Variants in HAPLN2 observed in about 807,000 individuals in gnomAD.
The protein encoded by HAPLN2 is hyaluronan and proteoglycan link protein 2.
Under a neutral mutation model 29.3 loss-of-function variants are expected in HAPLN2, and 27 were observed. That is an observed-to-expected ratio of 0.92 (90% CI 0.68 to 1.27). The LOEUF (loss-of-function observed/expected upper bound fraction) is 1.27, where lower values mean the gene tolerates loss of function less well. Ranked by LOEUF, HAPLN2 falls within the 50% of genes most tolerant of loss-of-function variation. The pLI is 0.00. For synonymous variants in HAPLN2, 208 were observed against 211.7 expected (o/e 0.98, Z 0.15); for missense variants, 454 against 484.3 (o/e 0.94, Z 0.59).
At chr1:156,621,891 G>C (rs1168639063) in intron 2 of HAPLN2, among the ~76,000 whole-genome samples, 1 of 151,632 alleles carries the variant, frequency 6.6e-6, no homozygotes, top group East Asian at 1.9e-4. Context: ...GGGAGGTGGA[G>C]CTTGCAGTGA....
chr1:156,609,106 G>T, the HAPLN2 span, among the ~76,000 whole-genome samples: 1 of 152,136 alleles, frequency 6.6e-6, no homozygotes, highest in East Asian at 1.9e-4. Flanking sequence ...GAGTCTGAAG[G>T]ATGCCCCCAG....
At position 156,625,339 on chromosome 1, in the gene HAPLN2, G is replaced by A. The variant is rs567935429; in HGVS notation, c.978G>A (p.Arg326=). The A allele has an allele frequency of 6.2e-6, 10 of 1,600,102 alleles. No homozygotes were observed. The highest frequency in any genetic ancestry group is 2.3e-5 in the East Asian group (1 of 43,996). The change falls in exon 7 of 7, where the codon AGG becomes AGA. Residue 326 remains arginine (R), a synonymous_variant. Transcript: ENST00000255039. The surrounding 1 kb of genome is among the most constrained non-coding windows in gnomAD (Gnocchi z 5.7). ...GAGTGCGCAGTTTCGGCTTCCCCAGGCCCCAACAGGCAGCCTATGGGACCT... is the reference window on the plus strand; with the variant it reads ...GAGTGCGCAGTTTCGGCTTCCCCAGACCCCAACAGGCAGCCTATGGGACCT... ...DPGVRSFGFP[R]PQQAAYGTYC...
the HAPLN2 span, among the ~76,000 whole-genome samples, chr1:156,606,179 G>A: frequency 6.6e-6 from 1 of 151,884 alleles, no homozygotes; most frequent in Non-Finnish European, 1.5e-5. Flanking sequence ...CCAGAGAATC[G>A]CTTGAACCCG....
At position 156,625,205 on chromosome 1, in the gene HAPLN2, T is replaced by C; in HGVS notation, c.844T>C (p.Trp282Arg). The C allele has an allele frequency of 6.4e-7, 1 of 1,559,028 alleles. No individual in the cohort carries two copies. Among genetic ancestry groups the C allele is most frequent in the Non-Finnish European group, 8.7e-7 (1 of 1,152,862 alleles). Residue 282 changes from tryptophan (W) to arginine (R), a missense_variant, in exon 7 of 7, where the codon TGG becomes CGG. Trp to Arg is a moderately radical substitution (Grantham distance 101, BLOSUM62 -3). Transcript: ENST00000255039. This position sits in a 1 kb window ranked among gnomAD's most constrained non-coding sequence, Gnocchi z 5.7. ...CAAGGTTGGGCACCTCTACGCCGCCTGGAAGTTTTCGGGGCTAGACCAGTG... is the reference window on the plus strand; with the variant it reads ...CAAGGTTGGGCACCTCTACGCCGCCCGGAAGTTTTCGGGGCTAGACCAGTG... ...VAKVGHLYAA[W>R]KFSGLDQCDG...
chr1:156,622,086 A>G (rs148252571), intron 2 of HAPLN2, among the ~76,000 whole-genome samples: 6 of 152,310 alleles, frequency 3.9e-5, no homozygotes, highest in Non-Finnish European at 7.3e-5. Context: ...TTCTGTATCT[A>G]TATGTGGATA....
At chr1:156,606,642 C>T in the HAPLN2 span, among the ~76,000 whole-genome samples, 1 of 151,864 alleles carries the variant, frequency 6.6e-6, no homozygotes, top group Non-Finnish European at 1.5e-5. Context: ...CACACCATAC[C>T]TGGCTAATTT....
rs1400904949 is a variant in HAPLN2, at chr1:156,623,455, T to C, written c.-24-12T>C. ...CCAGTCCTAAGAACTGCCCACTCTTTGTGCCCTGCAGACGGTGCCGGGCTG... is the reference window on the plus strand; with the variant it reads ...CCAGTCCTAAGAACTGCCCACTCTTCGTGCCCTGCAGACGGTGCCGGGCTG... On this transcript the variant is annotated splice_polypyrimidine_tract_variant and intron_variant, in intron 2 of 6. Transcript: ENST00000255039. The C allele has an allele frequency of 3.1e-6, 5 of 1,611,202 alleles. No individual in the cohort carries two copies. Among genetic ancestry groups the C allele is most frequent in the Non-Finnish European group, 4.2e-6 (5 of 1,178,662 alleles).
At chr1:156,601,761 A>C in the HAPLN2 span, among the ~76,000 whole-genome samples, 1 of 152,182 alleles carries the variant, frequency 6.6e-6, no homozygotes, top group African/African-American at 2.4e-5. Context: ...CGCAAATACG[A>C]GGAAGGAAAA....
upstream of HAPLN2, among the ~76,000 whole-genome samples, chr1:156,615,572 CTTTT>C (rs770223466): frequency 2.4e-5 from 2 of 81,724 alleles, no homozygotes; most frequent in African/African-American, 8.3e-5. Flanking sequence ...CTCTCTCTCT[CTTTT>C]TTTTTTTTTT....
rs1326408216 is a variant in HAPLN2 at position 156,624,052 on chromosome 1, G to A, written c.331G>A (p.Ala111Thr). The part of the protein sequence containing the change: ...ARMRRGHRLD[A>T]SLVIAGVRLE... ...GATGCGGAGGGGGCATCGACTAGAC[G>A]CCTCCCTGGTCATCGCGGGCGTGCG... The change falls in exon 4 of 7, where the codon GCC becomes ACC. Residue 111 changes from alanine to threonine, a missense_variant. By Grantham distance (58) the Ala-to-Thr change is moderately conservative. This residue lies in a region of HAPLN2 where 204 missense variants were observed against 209.2 expected (regional missense o/e 0.98). Transcript: ENST00000255039. 1 of 1,613,350 alleles carries A rather than the reference G, an allele frequency of 6.2e-7. No homozygotes were observed.
chr1:156,617,922 C>T (rs967413382), upstream of HAPLN2, among the ~76,000 whole-genome samples: 4 of 151,924 alleles, frequency 2.6e-5, no homozygotes, highest in Admixed American at 6.6e-5. Flanking sequence ...TATGTACACA[C>T]GTAAAAATTC....
At chr1:156,614,267 C>G in the HAPLN2 span, among the ~76,000 whole-genome samples, 2 of 151,464 alleles carry the variant, frequency 1.3e-5, no homozygotes, top group Non-Finnish European at 2.9e-5. Flanking sequence ...ACTCTGTCAC[C>G]AGGCTGGAGT....
chr1:156,625,485 C>G lies in HAPLN2; in HGVS notation c.*101C>G. ...GGAGAGCCTCCCCTCCCTCCAGACC[C>G]GGAGCGGCCTCTCCAGACCTGCCTT... On this transcript the variant is annotated 3_prime_UTR_variant, in exon 7 of 7. Coordinates refer to ENST00000255039, the MANE Select transcript of HAPLN2 (RefSeq NM_021817.3). The surrounding 1 kb of genome is among the most constrained non-coding windows in gnomAD (Gnocchi z 5.7). 8.0e-7 allele frequency: 1 copy of G among 1,257,044 alleles called. No individual in the cohort carries two copies. 77.9% of individuals were successfully genotyped at this position (1,257,044 alleles called of 1,614,324 possible).
chr1:156,622,945 G>A (rs1433522773), intron 2 of HAPLN2, among the ~76,000 whole-genome samples: 1 of 151,424 alleles, frequency 6.6e-6, no homozygotes, highest in African/African-American at 2.4e-5. Context: ...GAAATGGGAG[G>A]ATCACCTGGA....
the HAPLN2 span, among the ~76,000 whole-genome samples, chr1:156,607,943 GA>G: frequency 0.019 from 2,775 of 147,150 alleles, 78 homozygotes; most frequent in African/African-American, 0.064. Flanking sequence ...TTCTGTTGAG[GA>G]AAAAAAAAAG....
At chr1:156,608,955 A>G in the HAPLN2 span, among the ~76,000 whole-genome samples, 1 of 152,236 alleles carries the variant, frequency 6.6e-6, no homozygotes, top group Admixed American at 6.5e-5. Context: ...AAGGGGCAGT[A>G]TAGAAAACAC....
chr1:156,619,320 G>A (rs1188227251), upstream of HAPLN2: 1 of 151,392 alleles, frequency 6.6e-6, no homozygotes, highest in Non-Finnish European at 1.5e-5. Flanking sequence ...AATAAAGAAA[G>A]GGGCCCTGTT....
chr1:156,610,609 C>T, the HAPLN2 span, among the ~76,000 whole-genome samples: 17 of 150,292 alleles, frequency 1.1e-4, no homozygotes, highest in Non-Finnish European at 1.0e-4. Context: ...CATTGCACTC[C>T]AGCCTGGGCA....
upstream of HAPLN2, among the ~76,000 whole-genome samples, chr1:156,616,613 G>A (rs1487566257): frequency 6.6e-6 from 1 of 152,152 alleles, no homozygotes; most frequent in Non-Finnish European, 1.5e-5. Context: ...TCCCTCTGCC[G>A]GAGGCTGTTT....
Sources: allele counts gnomAD v4.1 joint callset (sites outside exome capture counted in the v4.1 genomes callset), GRCh38; gene constraint gnomAD v4.1.1; regional missense constraint gnomAD v4.1.1; non-coding constraint Gnocchi (gnomAD v3.1); transcripts MANE v1.5; gene names NCBI Gene and HGNC (gene_info 2026-07-23, HGNC 2026-07-21).